Variants in CDON observed in about 807,000 individuals in gnomAD.
CDON encodes cell adhesion associated, oncogene regulated.
A neutral mutation model predicts 120.9 loss-of-function variants in CDON; 73 were observed. That is an observed-to-expected ratio of 0.60 (90% CI 0.50 to 0.73). The LOEUF (loss-of-function observed/expected upper bound fraction) is 0.73. Among genes scored for constraint, CDON ranks in the 30% least tolerant of loss-of-function variants. CDON has a pLI of 0.00. For synonymous variants in CDON, 566 were observed against 573.5 expected (o/e 0.99, Z 0.19); for missense variants, 1,470 against 1,587.3 (o/e 0.93, Z 1.26).
At chr11:125,987,810 T>C (rs1434474220) in intron 15 of CDON, among the ~76,000 whole-genome samples, 1 of 152,294 alleles carries the variant, frequency 6.6e-6, no homozygotes, top group African/African-American at 2.4e-5. Context: ...CACTCAAATA[T>C]ATGCTAAACA....
At chr11:125,985,494 G>T (rs1177647575) in intron 15 of CDON, among the ~76,000 whole-genome samples, 1 of 152,088 alleles carries the variant, frequency 6.6e-6, no homozygotes, top group Non-Finnish European at 1.5e-5. Flanking sequence ...TTTACATTTT[G>T]AAATGGGGAT....
At position 126,018,439 on chromosome 11, in the gene CDON, C is replaced by T. The variant is rs776426140; in HGVS notation, c.531G>A (p.Gln177=). Residue 177 remains glutamine (Q), a synonymous_variant, in exon 5 of 20, where the codon CAG becomes CAA. Coordinates refer to ENST00000531738, the MANE Select transcript of CDON (RefSeq NM_001378964.1). ...NYLILPSGNL[Q]ILNVSLEDKG... is the part of the protein sequence containing the mutation. Reference sequence around the variant, plus strand: ...TGTCCTCTAAGGATACATTCAAAATCTGAAGATTTCCTGATGGAAGGATTA... The same window carrying T: ...TGTCCTCTAAGGATACATTCAAAATTTGAAGATTTCCTGATGGAAGGATTA... The T allele has an allele frequency of 1.9e-5, 31 of 1,613,818 alleles. No individual in the cohort carries two copies. The Middle Eastern group carries it at 4.9e-4, about 26-fold the overall frequency.
In CDON at chr11:125,981,063, G is replaced by A. The variant is rs767733147; in HGVS notation, c.3262C>T (p.His1088Tyr). The A allele has an allele frequency of 6.2e-7, 1 of 1,613,972 alleles. No individual in the cohort carries two copies. Among genetic ancestry groups the A allele is most frequent in the Non-Finnish European group, 8.5e-7 (1 of 1,179,930 alleles). Residue 1088 changes from histidine to tyrosine, a missense_variant, in exon 17 of 20, where the codon CAT becomes TAT. Physicochemically the swap from His to Tyr is moderately conservative, Grantham distance 83 (BLOSUM62 2). Transcript: ENST00000531738. ...TRTHVDFEHP[H>Y]HLVNGGGMYT... is the part of the protein sequence containing the mutation. ...AGGTCTCTTACATTCACTAGATGAT[G>A]AGGATGTTCAAAATCCACGTGTGTC... is the stretch of plus-strand genomic sequence containing the variant.
At chr11:126,004,284 A>G in intron 9 of CDON, 1 of 603,298 alleles carries the variant, frequency 1.7e-6, no homozygotes, top group East Asian at 3.0e-5. Flanking sequence ...CACTGTAGAA[A>G]GACTCCTGGC....
rs1307907310 is a variant in CDON at position 126,034,785 on chromosome 11, T to C, written c.-61-11248A>G. Among the ~76,000 whole-genome samples the C allele has an allele frequency of 8.5e-5, 13 of 152,212 alleles. No individual in the cohort carries two copies. The highest frequency in any genetic ancestry group is 8.5e-4 in the Admixed American group (13 of 15,278). On this transcript the variant is annotated intron_variant, in intron 1 of 19. Transcript: ENST00000531738. This position sits in a 1 kb window ranked among gnomAD's most constrained non-coding sequence, Gnocchi z 4.5. ...CAAGGGGATTATTTTGCAAGTCCCA[T>C]GGAGTCAACACTTCCACAAATCCAG...
intron 1 of CDON, among the ~76,000 whole-genome samples, chr11:126,038,052 T>C (rs930581517): frequency 6.6e-6 from 1 of 152,060 alleles, no homozygotes; most frequent in Non-Finnish European, 1.5e-5. Context: ...AGTTCATCAC[T>C]TCAGTTTGCA....
rs758389908 is a variant in CDON at position 126,004,022 on chromosome 11, T to C, written c.1906A>G (p.Ser636Gly). 79 of 1,613,910 alleles carry C rather than the reference T, an allele frequency of 4.9e-5. No individual in the cohort carries two copies. In the Admixed American group the frequency reaches 1.3e-3, roughly 27 times the overall value. ...GSWHTVRVPG[S>G]ENELHLAELE... ...TCAGCTAAATGGAGCTCATTTTCAC[T>C]TCCTGGGACTCGAACCGTGTGCCAG... The change falls in exon 10 of 20, where the codon AGT becomes GGT. Residue 636 changes from serine (S) to glycine (G), a missense_variant. By Grantham distance (56) the Ser-to-Gly change is moderately conservative (BLOSUM62 0). Coordinates refer to ENST00000531738, the MANE Select transcript of CDON (RefSeq NM_001378964.1).
chr11:125,971,501 G>C (rs535001315), intron 18 of CDON, among the ~76,000 whole-genome samples: 1 of 152,306 alleles, frequency 6.6e-6, no homozygotes, highest in East Asian at 1.9e-4. Context: ...GTTGGTGAAA[G>C]AGCATTCCCA....
intron 5 of CDON, among the ~76,000 whole-genome samples, 155 bp from the exon 6 acceptor site, chr11:126,017,530 T>G (rs1947506462): frequency 6.6e-6 from 1 of 152,138 alleles, no homozygotes; most frequent in Non-Finnish European, 1.5e-5. Flanking sequence ...ATTAAAAGAT[T>G]TTTGTGGTCC....
Position 125,994,290 on chromosome 11 carries a change from C to T in CDON, c.2644G>A (p.Val882Ile). 1 of 1,574,766 alleles carries T rather than the reference C, an allele frequency of 6.4e-7. No individual in the cohort carries two copies. The highest frequency in any genetic ancestry group is 8.7e-7 in the Non-Finnish European group (1 of 1,144,598). ...AGTGTGCCAGGGGACTTACCTTCTA[C>T]AACATCCCTCTTGTAATCACTGTCA... ...DNDSDYKRDV[V>I]EGSKQWHMIG... The change falls in exon 14 of 20, where the codon GTA becomes ATA. Residue 882 changes from valine (V) to isoleucine (I), a missense_variant. Transcript: ENST00000531738.
chr11:126,059,311 T>C (rs1359874308), intron 1 of CDON, among the ~76,000 whole-genome samples: 1 of 152,230 alleles, frequency 6.6e-6, no homozygotes, highest in African/African-American at 2.4e-5. Context: ...TGGAGTTCAC[T>C]TCAGTGCTGA....
Position 125,958,189 on chromosome 11 carries a change from C to G in CDON, c.*2753G>C, listed in dbSNP as rs1046123678. ...CATACGGAACGGGACTGGTTCCATC[C>G]AAAGAGTGAACCACAATGCTTTTGG... On this transcript the variant is annotated 3_prime_UTR_variant, in exon 20 of 20. Transcript: ENST00000531738. 4 of 152,146 alleles carry G rather than the reference C, an allele frequency of 2.6e-5. No homozygotes were observed. Among genetic ancestry groups the G allele is most frequent in the African/African-American group, 9.7e-5 (4 of 41,430 alleles). 9.4% of individuals were successfully genotyped at this position (152,146 alleles called of 1,614,324 possible).
intron 18 of CDON, among the ~76,000 whole-genome samples, chr11:125,971,242 G>C (rs1057058265): frequency 1.3e-5 from 2 of 152,018 alleles, no homozygotes; most frequent in Admixed American, 6.5e-5. Flanking sequence ...AATTAGCTGG[G>C]TGTGGTGGCG....
chr11:126,004,717 CTTAAAATATCATCATA>C (rs1372621445), intron 9 of CDON, among the ~76,000 whole-genome samples: 1 of 152,066 alleles, frequency 6.6e-6, no homozygotes, highest in Non-Finnish European at 1.5e-5. Context: ...GTACATAAAC[CTTAAAATATCATCATA>C]TTAAAATATC....
At chr11:126,043,353 G>C (rs745516769) in intron 1 of CDON, among the ~76,000 whole-genome samples, 12 of 152,010 alleles carry the variant, frequency 7.9e-5, no homozygotes, top group South Asian at 2.1e-4. Flanking sequence ...TTCTGTATCC[G>C]GGCCCTTGAG....
rs200256743 is a variant in CDON at position 126,035,998 on chromosome 11, A to G, written c.-61-12461T>C. On this transcript the variant is annotated intron_variant, in intron 1 of 19. Transcript: ENST00000531738. ...GGCCAGATTGTAACACAACACTGGC[A>G]GGATGGTCAAAGAAATAATTCACAG... 2.0e-4 allele frequency among the ~76,000 whole-genome samples: 30 copies of G among 152,330 alleles called. No homozygotes were observed. In the East Asian group the frequency reaches 4.1e-3, roughly 21 times the overall value.
rs75539357 is a variant in CDON at position 126,002,065 on chromosome 11, G to C, written c.2027-215C>G. 0.26 allele frequency among the ~76,000 whole-genome samples: 39,793 copies of C among 151,882 alleles called. 5,269 individuals carry two copies. The highest frequency in any genetic ancestry group is 0.32 in the South Asian group (1,541 of 4,810). ...TTTTTTCTAGTATCTTTAAAATAAA[G>C]CTAAAATGTCTTTCTTCATTCTAAC... On this transcript the variant is annotated intron_variant, in intron 10 of 19. Coordinates refer to ENST00000531738, the MANE Select transcript of CDON (RefSeq NM_001378964.1).
chr11:126,029,683 G>T (rs1947895964), intron 1 of CDON, among the ~76,000 whole-genome samples: 1 of 152,088 alleles, frequency 6.6e-6, no homozygotes, highest in Non-Finnish European at 1.5e-5. Flanking sequence ...GAACCCAGTG[G>T]TCTCAAATGG....
chr11:126,022,101 CA>C (rs56788784), intron 2 of CDON, among the ~76,000 whole-genome samples: 18,477 of 57,002 alleles, frequency 0.32, 980 homozygotes, highest in African/African-American at 0.45. Flanking sequence ...GACCCTGCTT[CA>C]AAAAAAAAAA....
Sources: allele counts gnomAD v4.1 joint callset (sites outside exome capture counted in the v4.1 genomes callset), GRCh38; gene constraint gnomAD v4.1.1; non-coding constraint Gnocchi (gnomAD v3.1); transcripts MANE v1.5; gene names NCBI Gene and HGNC (gene_info 2026-07-23, HGNC 2026-07-21).